KIF4A: variants seen among roughly 807,000 people sequenced by gnomAD.
KIF4A encodes kinesin family member 4A, also known as chromosome-associated kinesin KIF4A.
KIF4A carries 7 observed loss-of-function variants against 105.9 expected under a neutral mutation model. That is an observed-to-expected ratio of 0.07 (90% CI 0.04 to 0.12). The LOEUF (loss-of-function observed/expected upper bound fraction) is 0.12. Among genes scored for constraint, KIF4A ranks in the 10% least tolerant of loss-of-function variants. KIF4A has a pLI of 1.00. For missense variants in KIF4A, 558 were observed against 929.2 expected, an observed-to-expected ratio of 0.60 and a Z score of 5.19; for synonymous variants, 281 against 331.3, an observed-to-expected ratio of 0.85 and a Z score of 1.65.
At chrX:70,336,019 G>A (rs191351328) in intron 10 of KIF4A, among the ~76,000 whole-genome samples, 44 of 111,586 alleles carry the variant, frequency 3.9e-4, no homozygotes, top group African/African-American at 1.4e-3. Context: ...TAGCCTTCTT[G>A]TATTTCTTTT....
chrX:70,365,987 G>C (rs184965544), intron 15 of KIF4A, among the ~76,000 whole-genome samples: 1 of 110,638 alleles, frequency 9.0e-6, no homozygotes, highest in Non-Finnish European at 1.9e-5. Flanking sequence ...TGTATGTGTC[G>C]AGGAGTTTAT....
chrX:70,391,799 C>A (rs926420951), intron 20 of KIF4A, among the ~76,000 whole-genome samples: 1 of 111,022 alleles, frequency 9.0e-6, no homozygotes, highest in Non-Finnish European at 1.9e-5. Context: ...GGCCCTGGTG[C>A]CTATTGTTCC....
At chrX:70,384,492 G>T (rs760081447) in intron 18 of KIF4A, among the ~76,000 whole-genome samples, 1 of 110,691 alleles carries the variant, frequency 9.0e-6, no homozygotes, top group East Asian at 2.9e-4. Context: ...TGAGGCCAAG[G>T]TGGGTGGATC....
intron 13 of KIF4A, among the ~76,000 whole-genome samples, chrX:70,345,214 A>G (rs2085987360): frequency 8.9e-6 from 1 of 112,448 alleles, no homozygotes; most frequent in Admixed American, 9.4e-5. Flanking sequence ...CTGTAATCCC[A>G]GCACTTTGGG....
chrX:70,399,195 G>A (rs1465396851), intron 22 of KIF4A, among the ~76,000 whole-genome samples: 1 of 112,192 alleles, frequency 8.9e-6, no homozygotes, highest in Non-Finnish European at 1.9e-5. Context: ...AAAGCACTGC[G>A]ATTGTTTGAG....
chrX:70,390,189 A>G (rs1278881109), intron 20 of KIF4A, among the ~76,000 whole-genome samples: 2 of 111,543 alleles, frequency 1.8e-5, no homozygotes, highest in Admixed American at 1.9e-4. Flanking sequence ...GCTTTTTTGT[A>G]GAGTTCTTAA....
intron 10 of KIF4A, among the ~76,000 whole-genome samples, chrX:70,340,798 G>A (rs943953107): frequency 9.0e-6 from 1 of 111,291 alleles, no homozygotes; most frequent in East Asian, 2.8e-4. Flanking sequence ...ATTGAGAACA[G>A]CTGTTCCCTG....
intron 28 of KIF4A, among the ~76,000 whole-genome samples, chrX:70,411,460 ATT>A (rs35035911): frequency 1.9e-5 from 2 of 103,802 alleles, no homozygotes. Flanking sequence ...CAATCCTGGT[ATT>A]TTTTTTTTTT....
intron 15 of KIF4A, among the ~76,000 whole-genome samples, chrX:70,359,439 C>A (rs1418750555): frequency 9.4e-6 from 1 of 106,881 alleles, no homozygotes; most frequent in Non-Finnish European, 1.9e-5. Flanking sequence ...TTCTTTCTTT[C>A]TCTCTCTCTC....
chrX:70,383,333 T>G (rs773302945), intron 18 of KIF4A, among the ~76,000 whole-genome samples: 24 of 112,098 alleles, frequency 2.1e-4, no homozygotes, highest in Middle Eastern at 4.6e-3. Flanking sequence ...AGATGCAATT[T>G]CACATCTACT....
intron 28 of KIF4A, among the ~76,000 whole-genome samples, chrX:70,411,034 C>T (rs1440965719): frequency 8.9e-6 from 1 of 112,654 alleles, no homozygotes; most frequent in African/African-American, 3.2e-5. Context: ...CAGTATCATG[C>T]AGATATTGTT....
At chrX:70,356,546 GAGTGAGACCCTGTCTCAAAAAA>G (rs2086052248) in intron 15 of KIF4A, among the ~76,000 whole-genome samples, 1 of 112,351 alleles carries the variant, frequency 8.9e-6, no homozygotes, top group Admixed American at 9.4e-5. Context: ...CTGGGTGACA[GAGTGAGACCCTGTCTCAAAAAA>G]ACAAACAAAC....
chrX:70,417,901 G>A lies in KIF4A; in HGVS notation c.3269G>A (p.Gly1090Asp). 8.3e-7 allele frequency: 1 copy of A among 1,209,231 alleles called. No homozygotes were observed. Among genetic ancestry groups the A allele is most frequent in the South Asian group, 1.8e-5 (1 of 56,568 alleles). Residue 1090 changes from glycine to aspartate, a missense_variant, in exon 29 of 31, where the codon GGC becomes GAC. This residue lies in a region of KIF4A where 469 missense variants were observed against 680.4 expected (regional missense o/e 0.69). Transcript: ENST00000374403. ...RKNIQGCSCK[G>D]WCGNKQCGCR... ...CCTGTTTTGCAGTGTTCCTGCAAGGGCTGGTGTGGAAACAAGCAGTGTGGG... is the reference window on the plus strand; with the variant it reads ...CCTGTTTTGCAGTGTTCCTGCAAGGACTGGTGTGGAAACAAGCAGTGTGGG...
At chrX:70,334,903 G>A (rs970543204) in intron 10 of KIF4A, among the ~76,000 whole-genome samples, 2 of 111,942 alleles carry the variant, frequency 1.8e-5, no homozygotes, top group Admixed American at 9.5e-5. Context: ...TGGCAAGGAT[G>A]TGAAGATATA....
At chrX:70,292,048 C>T (rs369280574) in intron 3 of KIF4A, among the ~76,000 whole-genome samples, 8 of 111,726 alleles carry the variant, frequency 7.2e-5, no homozygotes, top group African/African-American at 2.6e-4. Context: ...TAATTTCAAA[C>T]GTATAGAATG....
intron 3 of KIF4A, among the ~76,000 whole-genome samples, chrX:70,293,036 A>G (rs2085767135): frequency 1.8e-5 from 2 of 111,882 alleles, no homozygotes; most frequent in South Asian, 7.4e-4. Flanking sequence ...CTCATTTCCC[A>G]AGTTATTGCT....
chrX:70,301,838 A>G (rs1049622734), intron 5 of KIF4A, 62 bp from the exon 6 acceptor site: 1 of 1,154,418 alleles, frequency 8.7e-7, no homozygotes, highest in Non-Finnish European at 1.2e-6. Flanking sequence ...ACCAATCCCT[A>G]TATTTCTGAC....
intron 18 of KIF4A, among the ~76,000 whole-genome samples, chrX:70,380,572 T>C (rs1422793472): frequency 8.9e-6 from 1 of 111,849 alleles, no homozygotes; most frequent in African/African-American, 3.2e-5. Flanking sequence ...GCTAACATCA[T>C]ACTTAATGGT....
chrX:70,304,925 G>T (rs1431272553), intron 7 of KIF4A, among the ~76,000 whole-genome samples: 2 of 111,404 alleles, frequency 1.8e-5, no homozygotes, highest in Non-Finnish European at 3.8e-5. Flanking sequence ...GCCTCCCAAA[G>T]TGCTGGGATT....
Sources: allele counts gnomAD v4.1 joint callset (sites outside exome capture counted in the v4.1 genomes callset), GRCh38; gene constraint gnomAD v4.1.1; regional missense constraint gnomAD v4.1.1; transcripts MANE v1.5; gene names NCBI Gene and HGNC (gene_info 2026-07-23, HGNC 2026-07-21).